Variants in CFAP299 observed in about 807,000 individuals in gnomAD.
The protein encoded by CFAP299 is cilia- and flagella-associated protein 299.
CFAP299 carries 21 observed loss-of-function variants against 27.0 expected under a neutral mutation model. The observed-to-expected ratio is 0.78, with a 90% CI of 0.55 to 1.12. The LOEUF (loss-of-function observed/expected upper bound fraction) is 1.12. CFAP299 is among the 50% of genes most tolerant of loss of function. CFAP299 has a pLI of 0.00. For synonymous variants in CFAP299, 104 were observed against 98.1 expected, an observed-to-expected ratio of 1.06 and a Z score of -0.36; for missense variants, 310 against 276.6, an observed-to-expected ratio of 1.12 and a Z score of -0.86.
chr4:80,788,543 G>GTA (rs1170585592), intron 3 of CFAP299, among the ~76,000 whole-genome samples: 5 of 151,948 alleles, frequency 3.3e-5, no homozygotes, highest in Non-Finnish European at 2.9e-5. Context: ...ATATGTGTGT[G>GTA]TATATATAGT....
At chr4:80,699,371 T>A (rs781610428) in intron 3 of CFAP299, among the ~76,000 whole-genome samples, 4 of 152,180 alleles carry the variant, frequency 2.6e-5, no homozygotes, top group Non-Finnish European at 4.4e-5. Flanking sequence ...TATCTATTGC[T>A]GCTTCTTCAA....
At chr4:80,757,722 T>TG (rs143026612) in intron 3 of CFAP299, among the ~76,000 whole-genome samples, 2,595 of 151,790 alleles carry the variant, frequency 0.017, 72 homozygotes, top group African/African-American at 0.059. Context: ...TTTGTTTGTT[T>TG]GTTTGGTTTG....
rs142377472 is a variant in CFAP299 at position 80,462,642 on chromosome 4, T to C, written c.242+99758T>C. 5.1e-3 allele frequency among the ~76,000 whole-genome samples: 771 copies of C among 152,276 alleles called. 4 individuals are homozygous for C. Among genetic ancestry groups the C allele is most frequent in the Middle Eastern group, 0.017 (5 of 294 alleles). On this transcript the variant is annotated intron_variant, in intron 2 of 5. Transcript: ENST00000358105. ...TGCTTTCTTATGTCTTCATAGATTC[T>C]AAGTGATCTCATCCCACCCTTGCTT... is the stretch of plus-strand genomic sequence containing the variant.
intron 4 of CFAP299, among the ~76,000 whole-genome samples, chr4:80,921,368 G>C (rs1036204622): frequency 6.6e-6 from 1 of 152,108 alleles, no homozygotes; most frequent in African/African-American, 2.4e-5. Context: ...GAAGGAATTA[G>C]TGTGGGGAGA....
chr4:80,417,365 T>G (rs1365402527), intron 2 of CFAP299, among the ~76,000 whole-genome samples: 6 of 152,154 alleles, frequency 3.9e-5, no homozygotes, highest in African/African-American at 1.4e-4. Flanking sequence ...TCTCATTGTG[T>G]GGCTTAGAAT....
At chr4:80,454,731 A>G (rs763454832) in intron 2 of CFAP299, among the ~76,000 whole-genome samples, 101 of 152,294 alleles carry the variant, frequency 6.6e-4, no homozygotes, top group Admixed American at 3.1e-3. Context: ...GTTTATCAAG[A>G]GAGGGGAATT....
chr4:80,909,510 G>A (rs1054076238), intron 4 of CFAP299, among the ~76,000 whole-genome samples: 5 of 151,762 alleles, frequency 3.3e-5, no homozygotes, highest in African/African-American at 1.2e-4. Context: ...AATATGATAT[G>A]CAATGAATGC....
At chr4:80,794,596 A>T (rs533557876) in intron 3 of CFAP299, among the ~76,000 whole-genome samples, 1 of 152,282 alleles carries the variant, frequency 6.6e-6, no homozygotes, top group East Asian at 1.9e-4. Flanking sequence ...TAGTAAGACC[A>T]GTGAATTCCA....
chr4:80,589,614 A>G (rs1224757838), intron 3 of CFAP299, among the ~76,000 whole-genome samples: 3 of 152,206 alleles, frequency 2.0e-5, no homozygotes, highest in Non-Finnish European at 4.4e-5. Flanking sequence ...GTTAAAAAAA[A>G]TCCAATCAAC....
At position 80,583,090 on chromosome 4, in the gene CFAP299, C is replaced by T. The variant is rs200221458; in HGVS notation, c.243-3C>T. The stretch of plus-strand genomic sequence containing the variant: ...ATTATAACTGAAGATCTGCCTTTTA[C>T]AGGACGCTAACAAGTGCTGGTAAAG... On this transcript the variant is annotated splice_region_variant and splice_polypyrimidine_tract_variant and intron_variant, in intron 2 of 5. Transcript: ENST00000358105. 1.4e-5 allele frequency: 23 copies of T among 1,591,340 alleles called. No individual in the cohort carries two copies. The highest frequency in any genetic ancestry group is 1.9e-5 in the Non-Finnish European group (22 of 1,165,636).
intron 3 of CFAP299, among the ~76,000 whole-genome samples, chr4:80,605,506 A>G (rs959023792): frequency 2.0e-5 from 3 of 152,208 alleles, no homozygotes; most frequent in East Asian, 1.9e-4. Flanking sequence ...GCTCTTACTG[A>G]CTTTACTACA....
intron 4 of CFAP299, among the ~76,000 whole-genome samples, chr4:80,878,146 T>C (rs1733514378): frequency 6.6e-6 from 1 of 152,144 alleles, no homozygotes; most frequent in South Asian, 2.1e-4. Context: ...GTATAAAAAT[T>C]ACATTGCTTG....
chr4:80,577,328 A>G (rs1398743315), intron 2 of CFAP299, among the ~76,000 whole-genome samples: 2 of 150,508 alleles, frequency 1.3e-5, no homozygotes, highest in Non-Finnish European at 1.5e-5. Context: ...GCTAAAAAGT[A>G]TTGCTGTTAG....
chr4:80,872,903 C>G, intron 4 of CFAP299: 2 of 964,166 alleles, frequency 2.1e-6, no homozygotes, highest in Non-Finnish European at 2.5e-6. Flanking sequence ...TATCATCTCT[C>G]TGTGTGTAGT....
chr4:80,688,812 G>A (rs1015955242), intron 3 of CFAP299, among the ~76,000 whole-genome samples: 3 of 151,968 alleles, frequency 2.0e-5, no homozygotes, highest in African/African-American at 4.8e-5. Context: ...TTAGAAGAAT[G>A]TATAACTAGA....
rs563699249 is a variant in CFAP299, at chr4:80,658,548, A to G, written c.333+75365A>G. Among the ~76,000 whole-genome samples, 5 of 152,242 alleles carry G rather than the reference A, an allele frequency of 3.3e-5. No individual in the cohort carries two copies. In the East Asian group the frequency reaches 9.6e-4, roughly 29 times the overall value. ...ATGGATTACATTTATTGATTTGTGT[A>G]TGTTTTACCAGCCTTGCATCATTGA... On this transcript the variant is annotated intron_variant, in intron 3 of 5. Coordinates refer to ENST00000358105, the MANE Select transcript of CFAP299 (RefSeq NM_152770.3).
chr4:80,455,161 T>C (rs1438434832), intron 2 of CFAP299, among the ~76,000 whole-genome samples: 2 of 152,318 alleles, frequency 1.3e-5, no homozygotes, highest in Non-Finnish European at 2.9e-5. Context: ...GCTAATTTCT[T>C]AGGCTTTCAA....
In CFAP299 at chr4:80,883,896, C is replaced by T. The variant is rs143357705; in HGVS notation, c.476+13761C>T. 4.3e-4 allele frequency among the ~76,000 whole-genome samples: 65 copies of T among 152,176 alleles called. No homozygotes were observed. In the East Asian group the frequency reaches 7.9e-3, roughly 19 times the overall value. On this transcript the variant is annotated intron_variant, in intron 4 of 5. Coordinates refer to ENST00000358105, the MANE Select transcript of CFAP299 (RefSeq NM_152770.3). ...TACTTTTATTTTAAGTTCAGGGGTACACGTGCAGGATGTGCAGGGTTGTTA... is the reference window on the plus strand; with the variant it reads ...TACTTTTATTTTAAGTTCAGGGGTATACGTGCAGGATGTGCAGGGTTGTTA...
chr4:80,950,261 C>A (rs200561582), intron 5 of CFAP299, among the ~76,000 whole-genome samples: 4 of 151,714 alleles, frequency 2.6e-5, no homozygotes, highest in African/African-American at 9.7e-5. Flanking sequence ...CCACCCCCCC[C>A]CTTTCTCATT....
Sources: gnomAD v4.1 joint callset for allele counts (sites outside exome capture counted in the v4.1 genomes callset) on GRCh38, gnomAD v4.1.1 for gene constraint, MANE v1.5 for transcripts, NCBI Gene and HGNC (gene_info 2026-07-23, HGNC 2026-07-21) for gene names.